The following CLEC19A variants were observed in gnomAD, a reference collection of about 807,000 sequenced individuals.
The protein encoded by CLEC19A is C-type lectin domain family 19 member A.
CLEC19A carries 21 observed loss-of-function variants against 26.1 expected under a neutral mutation model. The ratio of observed to expected loss-of-function variants is 0.80; its 90% confidence interval spans 0.57 to 1.16. The LOEUF is 1.16. CLEC19A is among the 50% of genes most tolerant of loss of function. The pLI is 0.00. For synonymous variants in CLEC19A, 89 were observed against 88.6 expected (o/e 1.00, Z -0.03); for missense variants, 224 against 227.6 (o/e 0.98, Z 0.10).
In CLEC19A at chr16:19,298,671, A is replaced by G. The variant is rs1223894688; in HGVS notation, c.89-2A>G. The G allele has an allele frequency of 6.4e-6, 10 of 1,550,784 alleles. No individual in the cohort carries two copies. Among genetic ancestry groups the G allele is most frequent in the Non-Finnish European group, 8.7e-6 (10 of 1,147,074 alleles). ...CCCAGTCTGTTTCCTTTCTGCCCCC[A>G]GCCCTGCCAGAGCTGCCCCTGCCTT... On this transcript the variant is annotated splice_acceptor_variant, in intron 1 of 4. Coordinates refer to ENST00000636231, the MANE Select transcript of CLEC19A (RefSeq NM_001256720.2). LOFTEE classifies it high-confidence loss of function.
chr16:19,301,388 GT>G (rs1273228869), intron 2 of CLEC19A, among the ~76,000 whole-genome samples: 4 of 152,154 alleles, frequency 2.6e-5, no homozygotes, highest in African/African-American at 7.2e-5. Context: ...GGCAGCAGAT[GT>G]TCAAAATGAA....
intron 1 of CLEC19A, among the ~76,000 whole-genome samples, chr16:19,296,615 A>G (rs1432198358): frequency 6.6e-6 from 1 of 152,166 alleles, no homozygotes; most frequent in Admixed American, 6.5e-5. Flanking sequence ...GGGAGTTGGG[A>G]AGCCTAGGTT....
intron 3 of CLEC19A, 187 bp downstream of exon 3, chr16:19,304,342 A>G: frequency 1.8e-6 from 1 of 553,092 alleles, no homozygotes; most frequent in Admixed American, 2.7e-5. Context: ...TGTCCTACTA[A>G]ATGATGGGAA....
At chr16:19,292,974 C>G (rs1897621361) in intron 1 of CLEC19A, among the ~76,000 whole-genome samples, 1 of 151,740 alleles carries the variant, frequency 6.6e-6, no homozygotes, top group Non-Finnish European at 1.5e-5. Flanking sequence ...GGAGGTGAGA[C>G]AAAGCAGGAA....
Position 19,307,599 on chromosome 16 carries a change from G to A in CLEC19A, c.403G>A (p.Gly135Ser). The change falls in exon 4 of 5, where the codon GGC (glycine) becomes AGC (serine). Residue 135 changes from glycine (G) to serine (S), a missense_variant. Gly to Ser is a moderately conservative substitution (Grantham distance 56). Coordinates refer to ENST00000636231, the MANE Select transcript of CLEC19A (RefSeq NM_001256720.2). The stretch of plus-strand genomic sequence containing the variant: ...ATCCTATGACTACAGCTACTGGGAT[G>A]GCAGCCAGCCAGATGATGGCGTCCA... The part of the protein sequence containing the change: ...GSSYDYSYWD[G>S]SQPDDGVHAD... 1 of 1,548,334 alleles carries A rather than the reference G, an allele frequency of 6.5e-7. No individual in the cohort carries two copies. The highest frequency in any genetic ancestry group is 8.7e-7 in the Non-Finnish European group (1 of 1,146,800).
Position 19,301,736 on chromosome 16 carries a change from G to GTTTTTTTTTTTTT in CLEC19A, c.255-2310_255-2298dup, listed in dbSNP as rs1171248968. On this transcript the variant is annotated intron_variant, in intron 2 of 4. Transcript: ENST00000636231. ...ATGACACCATGCCCAGGTTTTTTTGGTTTTTTTTTTTTTTTTTTTTTTTTT... is the reference window on the plus strand; with the variant it reads ...ATGACACCATGCCCAGGTTTTTTTGGTTTTTTTTTTTTTTTTTTTTTTTTTTTTTTTTTTTTTT... Among the ~76,000 whole-genome samples the GTTTTTTTTTTTTT allele has an allele frequency of 7.3e-3, 598 of 81,390 alleles. 24 individuals are homozygous for GTTTTTTTTTTTTT. The highest frequency in any genetic ancestry group is 9.6e-3 in the Non-Finnish European group (416 of 43,178). The allele number at this position is 81,390 out of a possible 152,430, so 53.4% of individuals were successfully genotyped here. A position where few individuals can be genotyped will look rare whatever the true frequency, so the allele number is the denominator to read the frequency against.
chr16:19,308,313 C>T (rs1175416162), intron 4 of CLEC19A, among the ~76,000 whole-genome samples: 1 of 152,150 alleles, frequency 6.6e-6, no homozygotes, highest in African/African-American at 2.4e-5. Context: ...TGTGAACCCC[C>T]GCTCCATCCT....
At chr16:19,304,409 A>G in intron 3 of CLEC19A, 1 of 361,330 alleles carries the variant, frequency 2.8e-6, no homozygotes, top group Non-Finnish European at 5.2e-6. Flanking sequence ...AAAAAAAAAA[A>G]AAAAGACACT....
chr16:19,307,683 T>C lies in CLEC19A; in HGVS notation c.481+6T>C. 6.5e-7 allele frequency: 1 copy of C among 1,547,800 alleles called. No homozygotes were observed. Among genetic ancestry groups the C allele is most frequent in the Non-Finnish European group, 8.7e-7 (1 of 1,146,648 alleles). ...ATGGTACAGGCCTACCAGTGGTGGG[T>C]ACCCCTGAGACCAAGGCTCTTGCAG... is the stretch of plus-strand genomic sequence containing the variant. On this transcript the variant is annotated splice_donor_region_variant and intron_variant, in intron 4 of 4. Coordinates refer to ENST00000636231, the MANE Select transcript of CLEC19A (RefSeq NM_001256720.2).
rs144792455 is a variant in CLEC19A at position 19,293,663 on chromosome 16, C to T, written c.89-5010C>T. 4.0e-3 allele frequency among the ~76,000 whole-genome samples: 615 copies of T among 152,150 alleles called. 5 individuals are homozygous for T. The highest frequency in any genetic ancestry group is 0.014 in the African/African-American group (578 of 41,506). On this transcript the variant is annotated intron_variant, in intron 1 of 4. Transcript: ENST00000636231. ...AAGAGACAGGGTCTCACTATGTTGC[C>T]CAGGCTGATCTCAAACTCCTGGGCT... is the stretch of plus-strand genomic sequence containing the variant.
chr16:19,288,265 G>A (rs1897513132), intron 1 of CLEC19A, among the ~76,000 whole-genome samples: 1 of 152,192 alleles, frequency 6.6e-6, no homozygotes, highest in Admixed American at 6.5e-5. Flanking sequence ...GAGGGAATGT[G>A]TGTGAGTTTA....
In CLEC19A at chr16:19,307,527, T is replaced by G; in HGVS notation, c.349-18T>G. The G allele has an allele frequency of 6.5e-7, 1 of 1,547,430 alleles. No individual in the cohort carries two copies. Among genetic ancestry groups the G allele is most frequent in the Non-Finnish European group, 8.7e-7 (1 of 1,146,472 alleles). ...TTCTTGGCTTGCTTCTTTGTCTCTTTGGGTGGAACCCTCCCAGGAAGGGCA... is the reference window on the plus strand; with the variant it reads ...TTCTTGGCTTGCTTCTTTGTCTCTTGGGGTGGAACCCTCCCAGGAAGGGCA... On this transcript the variant is annotated intron_variant, in intron 3 of 4. Transcript: ENST00000636231.
chr16:19,306,958 A>G (rs1053731113), intron 3 of CLEC19A, among the ~76,000 whole-genome samples: 1 of 152,222 alleles, frequency 6.6e-6, no homozygotes, highest in African/African-American at 2.4e-5. Context: ...GTTCCTGGAC[A>G]AGTTGTAAAG....
chr16:19,293,469 T>G (rs1037344126), intron 1 of CLEC19A, among the ~76,000 whole-genome samples: 11 of 152,108 alleles, frequency 7.2e-5, no homozygotes, highest in African/African-American at 1.9e-4. Context: ...TTAATTTTTT[T>G]TTTTTGTTTT....
At chr16:19,294,193 G>A (rs181791423) in intron 1 of CLEC19A, among the ~76,000 whole-genome samples, 21 of 151,768 alleles carry the variant, frequency 1.4e-4, no homozygotes, top group African/African-American at 5.1e-4. Flanking sequence ...GAGCAGAGAC[G>A]TCCAGATTAC....
At chr16:19,302,923 A>G (rs1897866523) in intron 2 of CLEC19A, among the ~76,000 whole-genome samples, 1 of 152,208 alleles carries the variant, frequency 6.6e-6, no homozygotes, top group Non-Finnish European at 1.5e-5. Context: ...TTCATCATGG[A>G]GAAAAATATT....
intron 3 of CLEC19A, among the ~76,000 whole-genome samples, chr16:19,306,936 G>C (rs1295836780): frequency 6.6e-6 from 1 of 152,180 alleles, no homozygotes; most frequent in Non-Finnish European, 1.5e-5. Context: ...AATAAATGGA[G>C]AAATGGCTCC....
intron 3 of CLEC19A, among the ~76,000 whole-genome samples, chr16:19,306,429 G>T: frequency 6.6e-6 from 1 of 151,986 alleles, no homozygotes; most frequent in East Asian, 1.9e-4. Context: ...TTACAGGCAT[G>T]AGCCACCATG....
At chr16:19,302,706 T>A (rs1169398600) in intron 2 of CLEC19A, among the ~76,000 whole-genome samples, 2 of 152,198 alleles carry the variant, frequency 1.3e-5, no homozygotes, top group African/African-American at 4.8e-5. Flanking sequence ...ATTTGTCCAT[T>A]TGCTGTCACA....
Sources: allele counts gnomAD v4.1 joint callset (sites outside exome capture counted in the v4.1 genomes callset), GRCh38; gene constraint gnomAD v4.1.1; transcripts MANE v1.5; gene names NCBI Gene and HGNC (gene_info 2026-07-23, HGNC 2026-07-21).